Variants in BAHCC1 observed in about 807,000 individuals in gnomAD.
BAHCC1 encodes BAH domain and coiled-coil containing 1.
BAHCC1 carries 43 observed loss-of-function variants against 88.2 expected under a neutral mutation model. That is an observed-to-expected ratio of 0.49 (90% CI 0.38 to 0.63). The LOEUF is 0.63. Ranked by LOEUF, BAHCC1 falls within the 20% of genes least tolerant of loss-of-function variation. The probability of loss-of-function intolerance (pLI) is 0.00; values close to 1 mark genes in which losing one functional copy is unlikely to be tolerated. For missense variants in BAHCC1, 3,023 were observed against 1,654.8 expected (o/e 1.83, Z -14.34); for synonymous variants, 1,510 against 745.5 (o/e 2.03, Z -16.71).
At position 81,458,866 on chromosome 17, in the gene BAHCC1, C is replaced by T. The variant is rs1330515353; in HGVS notation, c.5502C>T (p.Asp1834=). The change falls in exon 20 of 28, where the codon GAC becomes GAT. Residue 1834 remains aspartate, a synonymous_variant. Transcript: ENST00000675386. ...RLLESFAVEE[D]FEFDDNSSFS... is the part of the protein sequence containing the mutation. ...TGGAAAGCTTCGCCGTGGAGGAAGA[C>T]TTTGAGTTCGACGACAACAGCAGCT... The T allele has an allele frequency of 5.2e-6, 4 of 773,994 alleles. No homozygotes were observed. The African/African-American group carries it at 6.8e-5, about 13-fold the overall frequency. 47.9% of individuals were successfully genotyped at this position (773,994 alleles called of 1,614,324 possible).
chr17:81,415,102 C>T (rs927735274), intron 2 of BAHCC1, among the ~76,000 whole-genome samples: 11 of 152,294 alleles, frequency 7.2e-5, no homozygotes, highest in Admixed American at 1.3e-4. Flanking sequence ...AGATGCTGCG[C>T]GGGGGGCTGG....
rs782244453 is a variant in BAHCC1 at position 81,447,489 on chromosome 17, G to A, written c.3617G>A (p.Arg1206Gln). ...GCCTCCTCCCAAGTCCTGGAGCAGC[G>A]AGCAGGGAGTCCGGGTGCCCTTGAG... ...SGASSQVLEQ[R>Q]AGSPGALEDE... The change falls in exon 11 of 28, where the codon CGA becomes CAA. Residue 1206 changes from arginine to glutamine, a missense_variant. Physicochemically the swap from Arg to Gln is conservative, Grantham distance 43. Coordinates refer to ENST00000675386, the MANE Select transcript of BAHCC1 (RefSeq NM_001377448.1). 3.2e-5 allele frequency: 24 copies of A among 744,714 alleles called. No homozygotes were observed. Among genetic ancestry groups the A allele is most frequent in the Non-Finnish European group, 4.5e-5 (18 of 400,752 alleles). 46.1% of individuals were successfully genotyped at this position (744,714 alleles called of 1,614,324 possible). A position where few individuals can be genotyped will look rare whatever the true frequency, so the allele number is the denominator to read the frequency against.
At chr17:81,422,812 C>T (rs1555649750) in intron 2 of BAHCC1, 2 of 434,696 alleles carry the variant, frequency 4.6e-6, no homozygotes, top group Admixed American at 2.5e-5. Context: ...GAGGAAAAGG[C>T]GGGAGGGACT....
intron 14 of BAHCC1, among the ~76,000 whole-genome samples, chr17:81,453,597 C>G (rs954497655): frequency 6.6e-6 from 1 of 152,050 alleles, no homozygotes; most frequent in Non-Finnish European, 1.5e-5. Flanking sequence ...GGCTGCCCCC[C>G]CCCAGAGCTG....
intron 1 of BAHCC1, among the ~76,000 whole-genome samples, chr17:81,398,548 G>A (rs1471972298): frequency 6.6e-6 from 1 of 152,226 alleles, no homozygotes; most frequent in Non-Finnish European, 1.5e-5. Context: ...AGGCGCTGAA[G>A]GAAGAAATCC....
chr17:81,396,498 G>C (rs1053298654), intron 1 of BAHCC1: 16 of 152,148 alleles, frequency 1.1e-4, no homozygotes, highest in African/African-American at 3.4e-4. Context: ...GTTTCGCAGG[G>C]AGCGGGTTCT....
intron 2 of BAHCC1, among the ~76,000 whole-genome samples, chr17:81,425,227 GTGA>G (rs1555650195): frequency 2.7e-5 from 3 of 111,766 alleles, no homozygotes; most frequent in Non-Finnish European, 3.5e-5. Flanking sequence ...GTGGTTGGTG[GTGA>G]TGTGGTTGGG....
intron 2 of BAHCC1, among the ~76,000 whole-genome samples, chr17:81,418,544 C>G (rs1187287304): frequency 6.6e-6 from 1 of 152,142 alleles, no homozygotes; most frequent in Non-Finnish European, 1.5e-5. Flanking sequence ...GGGACATGCC[C>G]CGACCCAGGG....
At chr17:81,428,584 C>T (rs1033014412) in intron 3 of BAHCC1, among the ~76,000 whole-genome samples, 1 of 152,202 alleles carries the variant, frequency 6.6e-6, no homozygotes, top group East Asian at 1.9e-4. Context: ...TACCCCACTC[C>T]CTCCACCCAC....
Position 81,447,163 on chromosome 17 carries a change from C to T in BAHCC1, c.3291C>T (p.Pro1097=). The change falls in exon 11 of 28, where the codon CCC becomes CCT. Residue 1097 remains proline (P), a synonymous_variant. Transcript: ENST00000675386. The part of the protein sequence containing the change: ...QTTAPGAQPE[P]TRTFLPGEPP... ...CCGCCCCGGGGGCCCAGCCTGAGCC[C>T]ACAAGGACATTCCTGCCTGGGGAGC... 1 of 776,902 alleles carries T rather than the reference C, an allele frequency of 1.3e-6. No homozygotes were observed. The highest frequency in any genetic ancestry group is 2.4e-6 in the Non-Finnish European group (1 of 416,898). 48.1% of individuals were successfully genotyped at this position (776,902 alleles called of 1,614,324 possible). A position where few individuals can be genotyped will look rare whatever the true frequency, so the allele number is the denominator to read the frequency against.
chr17:81,408,278 C>T (rs528888189), intron 2 of BAHCC1, among the ~76,000 whole-genome samples: 33 of 152,262 alleles, frequency 2.2e-4, no homozygotes, highest in South Asian at 6.2e-4. Flanking sequence ...TCCTGGAAGC[C>T]GCTGCCTGCA....
rs2064303130 is a variant in BAHCC1 at position 81,434,013 on chromosome 17, G to A, written c.359-4357G>A. Among the ~76,000 whole-genome samples the A allele has an allele frequency of 6.6e-6, 1 of 152,164 alleles. No individual in the cohort carries two copies. Among genetic ancestry groups the A allele is most frequent in the East Asian group, 1.9e-4 (1 of 5,186 alleles). On this transcript the variant is annotated intron_variant, in intron 3 of 27. Transcript: ENST00000675386. This position sits in a 1 kb window ranked among gnomAD's most constrained non-coding sequence, Gnocchi z 4.9. ...ACGGCAGGGACGTCCTGCGTGACAG[G>A]GACGATGTGCAGAACCTCAAGAGGA...
rs1555653954 is a variant in BAHCC1, at chr17:81,445,081, T to C, written c.2738T>C (p.Met913Thr). 2 of 770,620 alleles carry C rather than the reference T, an allele frequency of 2.6e-6. No individual in the cohort carries two copies. The highest frequency in any genetic ancestry group is 3.4e-5 in the African/African-American group (2 of 58,960). The allele number at this position is 770,620 out of a possible 1,614,324, so 47.7% of individuals were successfully genotyped here. ...GGGGGCCGGGGCCCCGCCTCTCACA[T>C]GCAGCACCCGGGCCAGCTCCCTGTG... Reference protein sequence around the residue: ...MYGGRGPASHMQHPGQLPVYS... With the variant: ...MYGGRGPASHTQHPGQLPVYS... The change falls in exon 9 of 28, where the codon ATG becomes ACG. Residue 913 changes from methionine to threonine, a missense_variant. Coordinates refer to ENST00000675386, the MANE Select transcript of BAHCC1 (RefSeq NM_001377448.1).
At chr17:81,451,089 A>G (rs2064625001) in intron 11 of BAHCC1, 1 of 154,736 alleles carries the variant, frequency 6.5e-6, no homozygotes, top group African/African-American at 2.4e-5. Context: ...GGATGGAGTG[A>G]TGCCCAGGTG....
At chr17:81,412,947 T>A (rs1358253354) in intron 2 of BAHCC1, among the ~76,000 whole-genome samples, 2 of 148,432 alleles carry the variant, frequency 1.3e-5, no homozygotes, top group African/African-American at 2.5e-5. Flanking sequence ...AAGGAGAGAG[T>A]GAGAGAGCGC....
chr17:81,397,705 G>A (rs1258986444), intron 1 of BAHCC1, among the ~76,000 whole-genome samples: 1 of 152,194 alleles, frequency 6.6e-6, no homozygotes, highest in Non-Finnish European at 1.5e-5. Flanking sequence ...GGCCCTGGCG[G>A]CCGGGCGCTC....
At chr17:81,403,589 C>T (rs2063843120) in intron 2 of BAHCC1, among the ~76,000 whole-genome samples, 1 of 152,116 alleles carries the variant, frequency 6.6e-6, no homozygotes. Flanking sequence ...GACCCCATCA[C>T]AGGCTCCTCT....
At chr17:81,429,000 C>T (rs1418385683) in intron 3 of BAHCC1, among the ~76,000 whole-genome samples, 2 of 152,218 alleles carry the variant, frequency 1.3e-5, no homozygotes, top group Non-Finnish European at 2.9e-5. Flanking sequence ...GTGGCCTGAG[C>T]CGGAGGAGAG....
At chr17:81,460,777 C>T in intron 25 of BAHCC1, 71 bp downstream of exon 25, 1 of 774,108 alleles carries the variant, frequency 1.3e-6, no homozygotes, top group Non-Finnish European at 2.4e-6. Flanking sequence ...ACCAGGAGGC[C>T]CGTGGGGTAG....
Sources: gnomAD v4.1 joint callset for allele counts (sites outside exome capture counted in the v4.1 genomes callset) on GRCh38, gnomAD v4.1.1 for gene constraint, Gnocchi (gnomAD v3.1) non-coding constraint, MANE v1.5 for transcripts, NCBI Gene and HGNC (gene_info 2026-07-23, HGNC 2026-07-21) for gene names.